Variants in ABCD3 observed in about 807,000 individuals in gnomAD.
ABCD3 encodes the protein ATP binding cassette subfamily D member 3, also known as ATP-binding cassette sub-family D member 3.
ABCD3 carries 41 observed loss-of-function variants against 105.5 expected under a neutral mutation model. The observed-to-expected ratio is 0.39, with a 90% confidence interval of 0.30 to 0.50. The LOEUF is 0.50. Ranked by LOEUF, ABCD3 falls within the 20% of genes least tolerant of loss-of-function variation. ABCD3 has a pLI of 0.84. For missense variants in ABCD3, 622 were observed against 806.3 expected (o/e 0.77, Z 2.77); for synonymous variants, 258 against 269.0 (o/e 0.96, Z 0.40).
chr1:94,500,618 G>A (rs115371903), intron 20 of ABCD3, among the ~76,000 whole-genome samples: 1 of 152,096 alleles, frequency 6.6e-6, no homozygotes, highest in South Asian at 2.1e-4. Context: ...CTGTAGCTAA[G>A]GAAAGAAAGC....
At chr1:94,432,468 C>CT (rs1368999482) in intron 1 of ABCD3, 1 of 152,212 alleles carries the variant, frequency 6.6e-6, no homozygotes, top group African/African-American at 2.4e-5. Context: ...GGAGATATTA[C>CT]TATAAATAAA....
At chr1:94,413,668 C>T (rs1333656920), upstream of ABCD3, among the ~76,000 whole-genome samples, 1 of 152,194 alleles carries the variant, frequency 6.6e-6, no homozygotes, top group Non-Finnish European at 1.5e-5. Context: ...GGTACCTATT[C>T]TCCTTCCATT....
chr1:94,501,451 T>C (rs986379619), intron 20 of ABCD3, among the ~76,000 whole-genome samples: 12 of 152,164 alleles, frequency 7.9e-5, no homozygotes, highest in African/African-American at 2.9e-4. Flanking sequence ...AGGCTAACGC[T>C]ACAAATACTA....
chr1:94,420,859 G>A (rs1000300287), intron 1 of ABCD3, among the ~76,000 whole-genome samples: 2 of 151,998 alleles, frequency 1.3e-5, no homozygotes, highest in Non-Finnish European at 2.9e-5. Flanking sequence ...TGGCTACTTG[G>A]CCTTCTTTTG....
rs1647711309 is a variant in ABCD3, at chr1:94,458,674, T to C, written c.147+31T>C. ...AGTTTAAATCATCTTCTTTTTGGGATTTCATGCATTTATTTCATTTATTTT... is the reference window on the plus strand; with the variant it reads ...AGTTTAAATCATCTTCTTTTTGGGACTTCATGCATTTATTTCATTTATTTT... On this transcript the variant is annotated intron_variant, in intron 2 of 22. Transcript: ENST00000370214. 4 of 1,585,196 alleles carry C rather than the reference T, an allele frequency of 2.5e-6. No homozygotes were observed. In the East Asian group the frequency reaches 9.0e-5, roughly 36 times the overall value.
intron 2 of ABCD3, among the ~76,000 whole-genome samples, chr1:94,459,363 A>G (rs947350035): frequency 2.0e-5 from 3 of 152,066 alleles, no homozygotes; most frequent in Non-Finnish European, 2.9e-5. Flanking sequence ...CTTTGGACCT[A>G]TACTAGTTTC....
the ABCD3 span, among the ~76,000 whole-genome samples, chr1:94,392,102 TCTC>T: frequency 6.6e-6 from 1 of 152,204 alleles, no homozygotes; most frequent in Non-Finnish European, 1.5e-5. Context: ...CAGACCCTAT[TCTC>T]CTGCCTCTGT....
chr1:94,490,050 C>A, intron 15 of ABCD3, 75 bp downstream of exon 15: 2 of 1,350,546 alleles, frequency 1.5e-6, no homozygotes, highest in Non-Finnish European at 1.1e-6. Flanking sequence ...TTTCAGCTTA[C>A]AATTGCTTAG....
At chr1:94,464,494 A>G (rs1217557761) in intron 2 of ABCD3, among the ~76,000 whole-genome samples, 2 of 151,862 alleles carry the variant, frequency 1.3e-5, no homozygotes, top group Admixed American at 6.6e-5. Context: ...GCAGGTGTTC[A>G]CCTTGGTATT....
the ABCD3 span, among the ~76,000 whole-genome samples, chr1:94,391,144 TC>T: frequency 6.6e-6 from 1 of 152,188 alleles, no homozygotes; most frequent in Non-Finnish European, 1.5e-5. Context: ...ATGAGTGGGC[TC>T]CAGGTCTGTG....
intron 2 of ABCD3, among the ~76,000 whole-genome samples, chr1:94,460,967 T>A (rs540675990): frequency 2.0e-5 from 3 of 152,258 alleles, no homozygotes; most frequent in African/African-American, 7.2e-5. Flanking sequence ...ATTTTACTCA[T>A]TTTTTTCTTA....
intron 1 of ABCD3, among the ~76,000 whole-genome samples, chr1:94,439,727 G>T (rs546873393): frequency 3.9e-5 from 6 of 152,042 alleles, no homozygotes; most frequent in African/African-American, 1.4e-4. Flanking sequence ...GTGTTTATTT[G>T]CCCTTGTACT....
rs1357880690 is a variant in ABCD3 at position 94,487,806 on chromosome 1, A to G, written c.1065+15A>G. ...AACTTCTAGAGGTAAACTGATGATA[A>G]TACAATGAAAATGTAACAGTAAAAA... On this transcript the variant is annotated intron_variant, in intron 12 of 22. Coordinates refer to ENST00000370214, the MANE Select transcript of ABCD3 (RefSeq NM_002858.4). The G allele has an allele frequency of 5.6e-6, 9 of 1,612,754 alleles. No homozygotes were observed. In the East Asian group the frequency reaches 1.6e-4, roughly 28 times the overall value.
chr1:94,407,054 C>CAAA, the ABCD3 span, among the ~76,000 whole-genome samples: 181 of 152,146 alleles, frequency 1.2e-3, no homozygotes, highest in African/African-American at 4.2e-3. Context: ...ACAACAACAA[C>CAAA]AAAAAACCTC....
At chr1:94,402,892 C>T in the ABCD3 span, among the ~76,000 whole-genome samples, 9 of 151,330 alleles carry the variant, frequency 5.9e-5, no homozygotes, top group African/African-American at 1.7e-4. Flanking sequence ...CATGCTGGTG[C>T]GCTGCACCCA....
chr1:94,431,464 A>C (rs531280036), intron 1 of ABCD3, among the ~76,000 whole-genome samples: 1 of 152,222 alleles, frequency 6.6e-6, no homozygotes, highest in African/African-American at 2.4e-5. Context: ...AAACTCATAG[A>C]CTATTGAAAG....
intron 5 of ABCD3, 94 bp downstream of exon 5, chr1:94,473,929 T>G: frequency 1.1e-6 from 1 of 942,960 alleles, no homozygotes; most frequent in Non-Finnish European, 1.7e-6. Context: ...TTTAAAGACT[T>G]ATGATACTAA....
chr1:94,497,902 C>T (rs1035446987), intron 16 of ABCD3, among the ~76,000 whole-genome samples: 2 of 152,088 alleles, frequency 1.3e-5, no homozygotes, highest in Non-Finnish European at 2.9e-5. Context: ...GGAAGAATAT[C>T]TGTGATATAT....
chr1:94,402,177 C>A, the ABCD3 span, among the ~76,000 whole-genome samples: 1 of 152,194 alleles, frequency 6.6e-6, no homozygotes, highest in African/African-American at 2.4e-5. Context: ...ATACCACAAC[C>A]TGTTTACCCA....
Sources: gnomAD v4.1 joint callset for allele counts (sites outside exome capture counted in the v4.1 genomes callset) on GRCh38, gnomAD v4.1.1 for gene constraint, MANE v1.5 for transcripts, NCBI Gene and HGNC (gene_info 2026-07-23, HGNC 2026-07-21) for gene names.